The following ADCY4 variants were observed in gnomAD, a reference collection of about 807,000 sequenced individuals.
ADCY4 encodes adenylate cyclase 4.
A neutral mutation model predicts 125.5 loss-of-function variants in ADCY4; 111 were observed. That is an observed-to-expected ratio of 0.88 (90% CI 0.76 to 1.04). The LOEUF is 1.04. ADCY4 is among the 50% of genes least tolerant of loss of function. The probability of loss-of-function intolerance (pLI) is 0.00; values close to 1 mark genes in which losing one functional copy is unlikely to be tolerated. For synonymous variants in ADCY4, 576 were observed against 586.9 expected (o/e 0.98, Z 0.27); for missense variants, 1,256 against 1,382.9 (o/e 0.91, Z 1.46).
At chr14:24,324,258 T>G (rs1594654721) in intron 15 of ADCY4, 49 bp downstream of exon 15, 5 of 1,614,022 alleles carry the variant, frequency 3.1e-6, no homozygotes, top group Non-Finnish European at 3.4e-6. Flanking sequence ...TCAGGACAGG[T>G]TGTGACCAGG....
rs746163423 is a variant in ADCY4, at chr14:24,323,033, A to G, written c.2213T>C (p.Met738Thr). The change falls in exon 18 of 25, where the codon ATG (methionine) becomes ACG (threonine). Residue 738 changes from methionine to threonine, a missense_variant. By Grantham distance (81) the Met-to-Thr change is moderately conservative. Coordinates refer to ENST00000418030, the MANE Select transcript of ADCY4 (RefSeq NM_001198568.2). The stretch of plus-strand genomic sequence containing the variant: ...CAGCAGCAGCTTCAGCTCGAAGCTC[A>G]TGTGCAGAAAGAGGGAGCAGGAGAG... ...GFLSCSLFLH[M>T]SFELKLLLLL... 12 of 1,614,010 alleles carry G rather than the reference A, an allele frequency of 7.4e-6. No homozygotes were observed. The highest frequency in any genetic ancestry group is 9.3e-6 in the Non-Finnish European group (11 of 1,180,004).
intron 4 of ADCY4, 84 bp from the exon 5 acceptor site, chr14:24,331,440 C>A: frequency 1.6e-5 from 25 of 1,568,912 alleles, no homozygotes; most frequent in Middle Eastern, 3.5e-4. Flanking sequence ...GGAGCCCACA[C>A]TGCCCATCCT....
At chr14:24,318,814 G>A in intron 23 of ADCY4, 36 bp from the exon 24 acceptor site, 3 of 1,612,536 alleles carry the variant, frequency 1.9e-6, no homozygotes, top group Non-Finnish European at 2.5e-6. Flanking sequence ...ACTTGGAGAA[G>A]GAAGAGGGGA....
rs751992558 is a variant in ADCY4 at position 24,319,903 on chromosome 14, G to T, written c.2587-15C>A. 9.7e-5 allele frequency: 156 copies of T among 1,611,774 alleles called. 1 individual carries two copies. In the South Asian group the frequency reaches 1.7e-3, roughly 17 times the overall value. On this transcript the variant is annotated splice_polypyrimidine_tract_variant and intron_variant, in intron 20 of 24. Transcript: ENST00000418030. This position sits in a 1 kb window ranked among gnomAD's most constrained non-coding sequence, Gnocchi z 4.5. The stretch of plus-strand genomic sequence containing the variant: ...TGGTAGAGATCCTGGGGGAACAGGA[G>T]ACTGGAGTGAGGGGTGTGTGTCATG...
At chr14:24,323,682 C>T (rs1046026635) in intron 16 of ADCY4, 24 of 1,387,322 alleles carry the variant, frequency 1.7e-5, no homozygotes, top group Non-Finnish European at 1.9e-5. Context: ...ACTGTGTGAG[C>T]TCTTGCCAGC....
At chr14:24,331,174 C>A (rs759477450) in intron 5 of ADCY4, 34 bp downstream of exon 5, 1 of 1,613,624 alleles carries the variant, frequency 6.2e-7, no homozygotes, top group Non-Finnish European at 8.5e-7. Flanking sequence ...TCTTAGCCCA[C>A]AGGCCCCTCC....
At position 24,319,905 on chromosome 14, in the gene ADCY4, C is replaced by G. The variant is rs759989703; in HGVS notation, c.2587-17G>C. 9.7e-5 allele frequency: 157 copies of G among 1,611,672 alleles called. No homozygotes were observed. The highest frequency in any genetic ancestry group is 1.3e-4 in the Non-Finnish European group (149 of 1,179,744). ...GTAGAGATCCTGGGGGAACAGGAGA[C>G]TGGAGTGAGGGGTGTGTGTCATGTT... is the stretch of plus-strand genomic sequence containing the variant. On this transcript the variant is annotated splice_polypyrimidine_tract_variant and intron_variant, in intron 20 of 24. Transcript: ENST00000418030. The surrounding 1 kb of genome is among the most constrained non-coding windows in gnomAD (Gnocchi z 4.5).
In ADCY4 at chr14:24,325,828, A is replaced by T; in HGVS notation, c.1715T>A (p.Met572Lys). The T allele has an allele frequency of 1.3e-6, 2 of 1,597,060 alleles. No individual in the cohort carries two copies. The highest frequency in any genetic ancestry group is 1.1e-5 in the South Asian group (1 of 88,520). The change falls in exon 13 of 25, where the codon ATG becomes AAG. Residue 572 changes from methionine (M) to lysine (K), a missense_variant. Met to Lys is a moderately conservative substitution (Grantham distance 95, BLOSUM62 -1). Transcript: ENST00000418030. ...PLTLYFREKE[M>K]EKEYRLSAIP... ...CACACCACAGCCCACCTCTTTCTCC[A>T]TCTCCTTCTCTCTGAAGTACAGTGT...
chr14:24,318,724 T>C lies in ADCY4; in HGVS notation c.3011A>G (p.Tyr1004Cys). Reference protein sequence around the residue: ...AGVIGAQKPQYDIWGNTVNVA... With the variant: ...AGVIGAQKPQCDIWGNTVNVA... ...GTTCACTGTGTTGCCCCAAATGTCATATTGCGGCTTCTGGGCCCCAATAAC... is the reference window on the plus strand; with the variant it reads ...GTTCACTGTGTTGCCCCAAATGTCACATTGCGGCTTCTGGGCCCCAATAAC... The change falls in exon 24 of 25, where the codon TAT (tyrosine) becomes TGT (cysteine). Residue 1004 changes from tyrosine (Y) to cysteine (C), a missense_variant. Coordinates refer to ENST00000418030, the MANE Select transcript of ADCY4 (RefSeq NM_001198568.2). 1 of 1,614,162 alleles carries C rather than the reference T, an allele frequency of 6.2e-7. No homozygotes were observed. The highest frequency in any genetic ancestry group is 8.5e-7 in the Non-Finnish European group (1 of 1,180,018).
intron 14 of ADCY4, among the ~76,000 whole-genome samples, chr14:24,324,963 C>T (rs2041919188): frequency 6.6e-6 from 1 of 152,130 alleles, no homozygotes; most frequent in Non-Finnish European, 1.5e-5. Flanking sequence ...CTCAGCCTCC[C>T]AGAGTGCTGG....
intron 20 of ADCY4, among the ~76,000 whole-genome samples, chr14:24,321,556 T>A (rs747684981): frequency 2.2e-4 from 33 of 152,150 alleles, no homozygotes; most frequent in Non-Finnish European, 4.1e-4. Context: ...AAAACTGCGA[T>A]TAATTTTGCA....
chr14:24,327,864 A>G (rs2041973421), intron 10 of ADCY4, among the ~76,000 whole-genome samples: 2 of 152,230 alleles, frequency 1.3e-5, no homozygotes, highest in African/African-American at 4.8e-5. Flanking sequence ...CCAGTATAAT[A>G]AAATATAAAA....
At chr14:24,332,116 C>A in intron 3 of ADCY4, 179 bp from the exon 4 acceptor site, 4 of 728,018 alleles carry the variant, frequency 5.5e-6, no homozygotes, top group Non-Finnish European at 7.9e-6. Flanking sequence ...CCAGATGCTC[C>A]CTCCTCCAGA....
chr14:24,325,801 C>T lies in ADCY4; in HGVS notation c.1725+17G>A, dbSNP rs779081899. ...AAAGTTGGGAAGTTGTTTGGTGCCA[C>T]CCACACCACAGCCCACCTCTTTCTC... On this transcript the variant is annotated intron_variant, in intron 13 of 24. Coordinates refer to ENST00000418030, the MANE Select transcript of ADCY4 (RefSeq NM_001198568.2). The T allele has an allele frequency of 3.8e-6, 6 of 1,586,688 alleles. No homozygotes were observed. Among genetic ancestry groups the T allele is most frequent in the South Asian group, 1.1e-5 (1 of 87,420 alleles).
intron 14 of ADCY4, 40 bp from the exon 15 acceptor site, chr14:24,324,431 AG>A: frequency 1.9e-6 from 3 of 1,568,734 alleles, no homozygotes; most frequent in Non-Finnish European, 2.6e-6. Context: ...GTGCCAGAAC[AG>A]GCTCCCTGTG....
In ADCY4 at chr14:24,329,105, G is replaced by A. The variant is rs2041997847; in HGVS notation, c.1480C>T (p.Leu494=). Residue 494 remains leucine, a synonymous_variant, in exon 10 of 25, where the codon CTG becomes TTG. Transcript: ENST00000418030. ...SWGAAKPFAH[L]SHGDSPVSTS... ...GACACAGGGCTGTCTCCGTGGCTCA[G>A]GTGGGCAAAAGGCTTGGCTGCGCCC... is the stretch of plus-strand genomic sequence containing the variant. 6.2e-7 allele frequency: 1 copy of A among 1,613,956 alleles called. No homozygotes were observed.
At chr14:24,327,634 G>C (rs1204686087) in intron 10 of ADCY4, among the ~76,000 whole-genome samples, 2 of 152,240 alleles carry the variant, frequency 1.3e-5, no homozygotes, top group African/African-American at 4.8e-5. Flanking sequence ...GGTTGAAGAA[G>C]AGAGCATGCA....
chr14:24,329,609 G>C, intron 8 of ADCY4, 76 bp from the exon 9 acceptor site: 1 of 1,488,654 alleles, frequency 6.7e-7, no homozygotes, highest in Non-Finnish European at 8.9e-7. Flanking sequence ...CACCCCCATG[G>C]CTCCTAGAAC....
intron 20 of ADCY4, 136 bp from the exon 21 acceptor site, chr14:24,320,024 G>T: frequency 9.6e-7 from 1 of 1,044,636 alleles, no homozygotes; most frequent in South Asian, 1.6e-5. Flanking sequence ...AGGGAGAGGA[G>T]TAGGGCCAGG....
Sources: allele counts gnomAD v4.1 joint callset (sites outside exome capture counted in the v4.1 genomes callset), GRCh38; gene constraint gnomAD v4.1.1; non-coding constraint Gnocchi (gnomAD v3.1); transcripts MANE v1.5; gene names NCBI Gene and HGNC (gene_info 2026-07-23, HGNC 2026-07-21).